The following KCNB2 variants were observed in gnomAD, a reference collection of about 807,000 sequenced individuals.
KCNB2 encodes the protein delayed rectifier potassium channel protein.
KCNB2 carries 15 observed loss-of-function variants against 61.5 expected under a neutral mutation model. The ratio of observed to expected loss-of-function variants is 0.24; its 90% CI spans 0.16 to 0.38. KCNB2 has a LOEUF of 0.38. Ranked by LOEUF, KCNB2 falls within the 10% of genes least tolerant of loss-of-function variation. KCNB2 has a pLI of 1.00. For missense variants in KCNB2, 828 were observed against 1,125.2 expected (o/e 0.74, Z 3.78); for synonymous variants, 457 against 446.0 (o/e 1.02, Z -0.31).
chr8:72,912,939 G>A (rs1465231182), intron 2 of KCNB2, among the ~76,000 whole-genome samples: 1 of 152,122 alleles, frequency 6.6e-6, no homozygotes, highest in African/African-American at 2.4e-5. Flanking sequence ...TAGAAGCTTA[G>A]TTGTTGCTGT....
chr8:72,928,710 A>G (rs2129008849), intron 2 of KCNB2, among the ~76,000 whole-genome samples: 1 of 136,964 alleles, frequency 7.3e-6, no homozygotes, highest in Non-Finnish European at 1.7e-5. Flanking sequence ...ACACACACAC[A>G]CACAGTTTTA....
chr8:72,624,445 G>A (rs1805758113), intron 2 of KCNB2, among the ~76,000 whole-genome samples: 1 of 152,140 alleles, frequency 6.6e-6, no homozygotes, highest in African/African-American at 2.4e-5. Context: ...TTATGGTTCT[G>A]TGGTACATTG....
chr8:72,664,611 A>T (rs1806436426), intron 2 of KCNB2, among the ~76,000 whole-genome samples: 1 of 152,232 alleles, frequency 6.6e-6, no homozygotes, highest in Non-Finnish European at 1.5e-5. Context: ...GATAGAAAGC[A>T]TCTCTTTCAT....
chr8:72,553,079 AC>A (rs1365352174), intron 1 of KCNB2, among the ~76,000 whole-genome samples: 1 of 152,184 alleles, frequency 6.6e-6, no homozygotes, highest in Non-Finnish European at 1.5e-5. Flanking sequence ...TTTAAAAAAA[AC>A]ACACAGACCA....
chr8:72,680,055 C>T (rs1806726841), intron 2 of KCNB2, among the ~76,000 whole-genome samples: 1 of 152,178 alleles, frequency 6.6e-6, no homozygotes, highest in Non-Finnish European at 1.5e-5. Context: ...ACTATGGTGT[C>T]ACTCACCTTG....
At chr8:72,928,902 A>T (rs1281084907) in intron 2 of KCNB2, among the ~76,000 whole-genome samples, 1 of 151,930 alleles carries the variant, frequency 6.6e-6, no homozygotes, top group Non-Finnish European at 1.5e-5. Flanking sequence ...AAAAATGAGC[A>T]TTAAATAGTT....
At chr8:72,751,634 T>C (rs1808189582) in intron 2 of KCNB2, 1 of 152,176 alleles carries the variant, frequency 6.6e-6, no homozygotes, top group Non-Finnish European at 1.5e-5. Flanking sequence ...AAATATATAT[T>C]GTGCAATCGT....
chr8:72,870,630 A>G (rs1036663556), intron 2 of KCNB2, among the ~76,000 whole-genome samples: 24 of 152,194 alleles, frequency 1.6e-4, no homozygotes, highest in Non-Finnish European at 1.5e-5. Context: ...AAATTAATAT[A>G]TGTGAGTTTT....
At chr8:72,642,781 T>A (rs578047438) in intron 2 of KCNB2, among the ~76,000 whole-genome samples, 10 of 152,300 alleles carry the variant, frequency 6.6e-5, no homozygotes, top group African/African-American at 2.2e-4. Flanking sequence ...AGAGCTTCTT[T>A]GTTCGGAGCA....
At chr8:72,826,177 T>G (rs1366553159) in intron 2 of KCNB2, among the ~76,000 whole-genome samples, 1 of 152,230 alleles carries the variant, frequency 6.6e-6, no homozygotes, top group African/African-American at 2.4e-5. Flanking sequence ...TTATACTTAC[T>G]TTGGTATCCA....
At chr8:72,875,401 T>G (rs1264201239) in intron 2 of KCNB2, among the ~76,000 whole-genome samples, 2 of 152,166 alleles carry the variant, frequency 1.3e-5, no homozygotes, top group African/African-American at 2.4e-5. Flanking sequence ...AGAATCTACC[T>G]TTTAACAAGA....
At chr8:72,858,683 ATACAT>A (rs1810245373) in intron 2 of KCNB2, among the ~76,000 whole-genome samples, 1 of 152,242 alleles carries the variant, frequency 6.6e-6, no homozygotes, top group South Asian at 2.1e-4. Context: ...GAGGAGGGCA[ATACAT>A]GAAGTTTCAA....
intron 2 of KCNB2, among the ~76,000 whole-genome samples, chr8:72,679,520 T>C (rs973706803): frequency 2.0e-5 from 3 of 152,238 alleles, no homozygotes; most frequent in East Asian, 1.9e-4. Context: ...AGGGTCTGGC[T>C]ATGTAAACCA....
At chr8:72,649,103 T>A (rs1806175825) in intron 2 of KCNB2, among the ~76,000 whole-genome samples, 1 of 152,202 alleles carries the variant, frequency 6.6e-6, no homozygotes, top group African/African-American at 2.4e-5. Context: ...TTTCATTATA[T>A]CTAATAGCTT....
In KCNB2 at chr8:72,631,507, C is replaced by T. The variant is rs548325022; in HGVS notation, c.579+63194C>T. On this transcript the variant is annotated intron_variant, in intron 2 of 2. Coordinates refer to ENST00000523207, the MANE Select transcript of KCNB2 (RefSeq NM_004770.3). ...CCAAGTTTCCCCTTTTTTATAAGAA[C>T]ATCAGTCATATTGGATTAGGGCTCA... Among the ~76,000 whole-genome samples, 3 of 152,274 alleles carry T rather than the reference C, an allele frequency of 2.0e-5. No individual in the cohort carries two copies. In the South Asian group the frequency reaches 6.2e-4, roughly 32 times the overall value.
intron 2 of KCNB2, among the ~76,000 whole-genome samples, chr8:72,602,267 G>T (rs566148255): frequency 6.6e-6 from 1 of 152,230 alleles, no homozygotes; most frequent in South Asian, 2.1e-4. Flanking sequence ...TGTTGTGATT[G>T]TACCAGCCTA....
At chr8:72,899,997 C>G (rs1001488226) in intron 2 of KCNB2, among the ~76,000 whole-genome samples, 2 of 151,944 alleles carry the variant, frequency 1.3e-5, no homozygotes, top group Non-Finnish European at 2.9e-5. Context: ...TAGTGAGACC[C>G]CATCTCAAAA....
At chr8:72,730,885 T>TA (rs1055400634) in intron 2 of KCNB2, among the ~76,000 whole-genome samples, 11 of 151,504 alleles carry the variant, frequency 7.3e-5, no homozygotes, top group South Asian at 2.1e-4. Context: ...CTTAGACTAT[T>TA]AAAAAAAAAT....
chr8:72,737,905 T>C (rs915826943), intron 2 of KCNB2, among the ~76,000 whole-genome samples: 1 of 152,094 alleles, frequency 6.6e-6, no homozygotes, highest in African/African-American at 2.4e-5. Context: ...CAGGTACCAC[T>C]AAAAAAATAT....
Sources: gnomAD v4.1 joint callset for allele counts (sites outside exome capture counted in the v4.1 genomes callset) on GRCh38, gnomAD v4.1.1 for gene constraint, MANE v1.5 for transcripts, NCBI Gene and HGNC (gene_info 2026-07-23, HGNC 2026-07-21) for gene names.